TRIO: variants seen among roughly 807,000 people sequenced by gnomAD.
TRIO encodes trio Rho guanine nucleotide exchange factor, also known as triple functional domain protein.
TRIO carries 58 observed loss-of-function variants against 351.9 expected under a neutral mutation model. That is an observed-to-expected ratio of 0.16 (90% CI 0.13 to 0.21). The LOEUF is 0.21. Among genes scored for constraint, TRIO ranks in the 10% least tolerant of loss-of-function variants. The probability of loss-of-function intolerance (pLI) is 1.00; values close to 1 mark genes in which losing one functional copy is unlikely to be tolerated. For missense variants in TRIO, 3,201 were observed against 4,027.8 expected, an observed-to-expected ratio of 0.79 and a Z score of 5.56; for synonymous variants, 1,758 against 1,595.7, an observed-to-expected ratio of 1.10 and a Z score of -2.42.
chr5:14,316,771 T>C, intron 9 of TRIO, 28 bp downstream of exon 9: 1 of 1,594,912 alleles, frequency 6.3e-7, no homozygotes, highest in East Asian at 2.3e-5. Context: ...CCCTTCTGCA[T>C]GGGAAATGGC....
Position 14,498,191 on chromosome 5 carries a change from C to T in TRIO, c.8150C>T (p.Thr2717Ile), listed in dbSNP as rs1757023556. 1 of 1,614,220 alleles carries T rather than the reference C, an allele frequency of 6.2e-7. No individual in the cohort carries two copies. Among genetic ancestry groups the T allele is most frequent in the Non-Finnish European group, 8.5e-7 (1 of 1,180,050 alleles). ...TGTGGCCGCCCCAAAGCCTCAATTACCTGGAAGGGCCCTGAACACAACACC... is the reference window on the plus strand; with the variant it reads ...TGTGGCCGCCCCAAAGCCTCAATTATCTGGAAGGGCCCTGAACACAACACC... ...RVCGRPKASI[T>I]WKGPEHNTLN... Residue 2717 changes from threonine (T) to isoleucine (I), a missense_variant, in exon 52 of 57, where the codon ACC becomes ATC. Thr to Ile is a moderately conservative substitution (Grantham distance 89). Coordinates refer to ENST00000344204, the MANE Select transcript of TRIO (RefSeq NM_007118.4).
At chr5:14,492,000 A>G (rs1471441266) in intron 48 of TRIO, among the ~76,000 whole-genome samples, 1 of 152,188 alleles carries the variant, frequency 6.6e-6, no homozygotes. Context: ...CAGGGGTTCC[A>G]TGTTCTTCTT....
chr5:14,440,328 A>C (rs1225559029), intron 34 of TRIO, among the ~76,000 whole-genome samples: 1 of 152,202 alleles, frequency 6.6e-6, no homozygotes, highest in Non-Finnish European at 1.5e-5. Context: ...TCTAGTGTGG[A>C]GGGCACCGAG....
intron 1 of TRIO, among the ~76,000 whole-genome samples, chr5:14,175,218 C>T (rs1789334286): frequency 2.6e-5 from 4 of 152,158 alleles, no homozygotes; most frequent in Admixed American, 2.6e-4. Flanking sequence ...CTCTTTATGG[C>T]TGTCAGGATT....
intron 11 of TRIO, among the ~76,000 whole-genome samples, chr5:14,338,120 T>C (rs1044726038): frequency 1.3e-5 from 2 of 152,184 alleles, no homozygotes; most frequent in African/African-American, 2.4e-5. Context: ...TTCCCACTCA[T>C]TGTGAACCGA....
chr5:14,364,968 C>T, intron 15 of TRIO, 152 bp downstream of exon 15: 1 of 1,028,284 alleles, frequency 9.7e-7, no homozygotes, highest in Non-Finnish European at 1.4e-6. Context: ...CACATACACA[C>T]ACCCCCGCCC....
intron 8 of TRIO, among the ~76,000 whole-genome samples, chr5:14,315,283 C>T (rs1204946562): frequency 1.3e-5 from 2 of 148,808 alleles, no homozygotes; most frequent in Non-Finnish European, 3.0e-5. Context: ...TGGAGTCTCA[C>T]TCTGTCGCCC....
intron 21 of TRIO, among the ~76,000 whole-genome samples, chr5:14,387,049 A>G (rs1746605857): frequency 6.6e-6 from 1 of 152,222 alleles, no homozygotes; most frequent in Non-Finnish European, 1.5e-5. Context: ...CAAAGAGTAA[A>G]CATGCATAGA....
At position 14,487,776 on chromosome 5, in the gene TRIO, C is replaced by T. The variant is rs1245841159; in HGVS notation, c.7148C>T (p.Pro2383Leu). ...TCCCTGCCTCCCCCTGGCGCGGCCC[C>T]CGAGGCCGGCCCCAGCGCGCCCAGC... ...GPSLPPPGAA[P>L]EAGPSAPSRR... The change falls in exon 48 of 57, where the codon CCC (proline) becomes CTC (leucine). Residue 2383 changes from proline to leucine, a missense_variant. Physicochemically the swap from Pro to Leu is moderately conservative, Grantham distance 98. Transcript: ENST00000344204. 2.6e-5 allele frequency: 36 copies of T among 1,370,948 alleles called. No individual in the cohort carries two copies. The highest frequency in any genetic ancestry group is 3.1e-5 in the Non-Finnish European group (33 of 1,060,218). 84.9% of individuals were successfully genotyped at this position (1,370,948 alleles called of 1,614,324 possible). A position where few individuals can be genotyped will look rare whatever the true frequency, so the allele number is the denominator to read the frequency against.
chr5:14,329,138 A>T (rs1342428446), intron 9 of TRIO, among the ~76,000 whole-genome samples: 1 of 152,126 alleles, frequency 6.6e-6, no homozygotes, highest in African/African-American at 2.4e-5. Context: ...AGTACAGTTG[A>T]TCAAGGGCAA....
At chr5:14,390,876 A>AG (rs2152364247) in intron 26 of TRIO, 25 bp from the exon 27 acceptor site, 1 of 1,564,982 alleles carries the variant, frequency 6.4e-7, no homozygotes. Flanking sequence ...GATTTAAATG[A>AG]GATCTTTTTT....
chr5:14,317,960 C>G (rs1000944335), intron 9 of TRIO, among the ~76,000 whole-genome samples: 1 of 152,098 alleles, frequency 6.6e-6, no homozygotes, highest in Non-Finnish European at 1.5e-5. Context: ...AACCGTGTCT[C>G]TACTCAGAAT....
intron 3 of TRIO, among the ~76,000 whole-genome samples, chr5:14,285,079 T>C (rs1002392308): frequency 6.6e-6 from 1 of 152,190 alleles, no homozygotes; most frequent in African/African-American, 2.4e-5. Flanking sequence ...GAGTCCCATT[T>C]GCCTCTAGGT....
At chr5:14,223,598 C>T (rs994024063) in intron 1 of TRIO, among the ~76,000 whole-genome samples, 1 of 152,124 alleles carries the variant, frequency 6.6e-6, no homozygotes, top group South Asian at 2.1e-4. Context: ...CTTTCAAAAC[C>T]CCTTCTGATG....
intron 8 of TRIO, among the ~76,000 whole-genome samples, chr5:14,310,624 T>G (rs1738831769): frequency 6.6e-6 from 1 of 152,212 alleles, no homozygotes; most frequent in African/African-American, 2.4e-5. Flanking sequence ...GATAGGAAAC[T>G]TCTTAAAACC....
At chr5:14,319,550 A>G (rs1465603975) in intron 9 of TRIO, among the ~76,000 whole-genome samples, 4 of 152,254 alleles carry the variant, frequency 2.6e-5, no homozygotes, top group Non-Finnish European at 5.9e-5. Flanking sequence ...ATTTGTAAAG[A>G]CAGTAGTAAC....
At chr5:14,460,894 G>C (rs1428537387) in intron 34 of TRIO, 125 bp from the exon 35 acceptor site, 11 of 1,172,182 alleles carry the variant, frequency 9.4e-6, no homozygotes, top group Non-Finnish European at 1.3e-5. Flanking sequence ...ACACCCCGTA[G>C]GCAAAGCCCG....
At chr5:14,422,415 T>C (rs899883595) in intron 34 of TRIO, among the ~76,000 whole-genome samples, 2 of 152,222 alleles carry the variant, frequency 1.3e-5, no homozygotes, top group Admixed American at 1.3e-4. Flanking sequence ...CTCAGTAATT[T>C]TTTCATAACA....
intron 11 of TRIO, among the ~76,000 whole-genome samples, chr5:14,352,461 A>T (rs189160195): frequency 7.0e-4 from 106 of 152,366 alleles, no homozygotes; most frequent in African/African-American, 2.5e-3. Context: ...TAAGAATTTT[A>T]TAGGCATCCT....
Sources: gnomAD v4.1 joint callset for allele counts (sites outside exome capture counted in the v4.1 genomes callset) on GRCh38, gnomAD v4.1.1 for gene constraint, MANE v1.5 for transcripts, NCBI Gene and HGNC (gene_info 2026-07-23, HGNC 2026-07-21) for gene names.